ANKMY1: variants seen among roughly 807,000 people sequenced by gnomAD.
The protein encoded by ANKMY1 is ankyrin repeat and MYND domain containing 1, also known as ankyrin repeat and MYND domain-containing protein 1.
ANKMY1 carries 98 observed loss-of-function variants against 102.0 expected under a neutral mutation model. The observed-to-expected ratio is 0.96, with a 90% CI of 0.82 to 1.14. The LOEUF (loss-of-function observed/expected upper bound fraction) is 1.14, where lower values mean the gene tolerates loss of function less well. Among genes scored for constraint, ANKMY1 ranks in the 50% most tolerant of loss-of-function variants. The pLI is 0.00. For synonymous variants in ANKMY1, 582 were observed against 559.9 expected (o/e 1.04, Z -0.56); for missense variants, 1,330 against 1,347.6 (o/e 0.99, Z 0.20).
At chr2:240,526,165 C>T in intron 6 of ANKMY1, 64 bp downstream of exon 6, 1 of 1,593,386 alleles carries the variant, frequency 6.3e-7, no homozygotes, top group Non-Finnish European at 8.6e-7. Context: ...CAGAGGGCCA[C>T]CCACATGTGT....
rs943916502 is a variant in ANKMY1 at position 240,486,301 on chromosome 2, A to C, written c.2807-4040T>G. ...TACAGGCATACACACATATGCAACCACACACGCATGCACACACACACATAA... is the reference window on the plus strand; with the variant it reads ...TACAGGCATACACACATATGCAACCCCACACGCATGCACACACACACATAA... On this transcript the variant is annotated intron_variant, in intron 15 of 17. Transcript: ENST00000401804. 7.2e-5 allele frequency among the ~76,000 whole-genome samples: 11 copies of C among 152,326 alleles called. No individual in the cohort carries two copies. In the South Asian group the frequency reaches 8.3e-4, roughly 11 times the overall value.
At chr2:240,502,095 G>A (rs572346194) in intron 13 of ANKMY1, among the ~76,000 whole-genome samples, 16 of 152,190 alleles carry the variant, frequency 1.1e-4, no homozygotes, top group Non-Finnish European at 1.6e-4. Context: ...CCACAGGGGT[G>A]TGGTGATGGA....
At chr2:240,550,668 T>G (rs2091353397) in intron 4 of ANKMY1, among the ~76,000 whole-genome samples, 2 of 152,164 alleles carry the variant, frequency 1.3e-5, no homozygotes, top group African/African-American at 4.8e-5. Flanking sequence ...TTGTAAATTG[T>G]GAGGTGGTAT....
intron 15 of ANKMY1, among the ~76,000 whole-genome samples, chr2:240,484,815 T>C (rs2075853193): frequency 6.6e-6 from 1 of 152,148 alleles, no homozygotes; most frequent in Non-Finnish European, 1.5e-5. Flanking sequence ...GACAAAGGGC[T>C]AATATCAAGA....
chr2:240,537,280 A>C (rs2087032559), intron 4 of ANKMY1, among the ~76,000 whole-genome samples: 1 of 152,134 alleles, frequency 6.6e-6, no homozygotes, highest in Admixed American at 6.5e-5. Context: ...GTTACCCAAA[A>C]TGTTATCATA....
rs964033866 is a variant in ANKMY1 at position 240,535,223 on chromosome 2, T to C, written c.481-5714A>G. Among the ~76,000 whole-genome samples, 12 of 152,152 alleles carry C rather than the reference T, an allele frequency of 7.9e-5. No individual in the cohort carries two copies. In the East Asian group the frequency reaches 1.9e-3, roughly 24 times the overall value. On this transcript the variant is annotated intron_variant, in intron 4 of 17. Coordinates refer to ENST00000401804, the MANE Select transcript of ANKMY1 (RefSeq NM_001282771.3). ...AGGGAGGCATGAGACATCAAACAAATACATTTAGGAAATACATTGGTTTAG... is the reference window on the plus strand; with the variant it reads ...AGGGAGGCATGAGACATCAAACAAACACATTTAGGAAATACATTGGTTTAG...
intron 4 of ANKMY1, among the ~76,000 whole-genome samples, chr2:240,546,910 TG>T (rs1423531676): frequency 6.6e-6 from 1 of 152,274 alleles, no homozygotes; most frequent in East Asian, 1.9e-4. Flanking sequence ...ACATTAATAA[TG>T]GGAGACTTTA....
chr2:240,491,997 T>C (rs1559240936), intron 15 of ANKMY1, among the ~76,000 whole-genome samples: 1 of 150,972 alleles, frequency 6.6e-6, no homozygotes, highest in Non-Finnish European at 1.5e-5. Context: ...TAAATTAGTT[T>C]TCTTTTAAAA....
At chr2:240,524,768 AAATAT>A (rs751152824) in intron 7 of ANKMY1, among the ~76,000 whole-genome samples, 1 of 152,254 alleles carries the variant, frequency 6.6e-6, no homozygotes, top group African/African-American at 2.4e-5. Context: ...AGGCTAAATT[AAATAT>A]ATTATTAAAA....
rs548820805 is a variant in ANKMY1 at position 240,553,203 on chromosome 2, A to G, written c.337-146T>C. 1.1e-5 allele frequency: 11 copies of G among 978,220 alleles called. No individual in the cohort carries two copies. The East Asian group carries it at 1.8e-4, about 16-fold the overall frequency. 60.6% of individuals were successfully genotyped at this position (978,220 alleles called of 1,614,324 possible). A position where few individuals can be genotyped will look rare whatever the true frequency, so the allele number is the denominator to read the frequency against. ...ACTCAGGGATGCCTGGCATGCGACT[A>G]TTAGAGTCGGCAACTGAAGCACCCA... On this transcript the variant is annotated intron_variant, in intron 3 of 17. Transcript: ENST00000401804.
intron 4 of ANKMY1, among the ~76,000 whole-genome samples, chr2:240,547,007 A>G (rs1396788467): frequency 6.6e-6 from 1 of 152,130 alleles, no homozygotes; most frequent in Non-Finnish European, 1.5e-5. Flanking sequence ...TGCACCAAGC[A>G]GACCTAATAG....
chr2:240,474,414 T>A, the ANKMY1 span, among the ~76,000 whole-genome samples: 4 of 152,006 alleles, frequency 2.6e-5, no homozygotes, highest in African/African-American at 9.7e-5. Context: ...GCCAACATGA[T>A]CTTTTAAAAA....
chr2:240,522,361 A>G (rs1390447701), intron 8 of ANKMY1: 1 of 152,224 alleles, frequency 6.6e-6, no homozygotes, highest in East Asian at 1.9e-4. Flanking sequence ...ACAAAAAGTT[A>G]TTTTACAAAA....
intron 9 of ANKMY1, among the ~76,000 whole-genome samples, chr2:240,516,417 T>C (rs1271275001): frequency 6.6e-6 from 1 of 152,198 alleles, no homozygotes; most frequent in African/African-American, 2.4e-5. Context: ...TGCAAAGTGG[T>C]GTTTAACCTT....
At chr2:240,475,178 T>C (rs749013482), downstream of ANKMY1, among the ~76,000 whole-genome samples, 8 of 152,366 alleles carry the variant, frequency 5.3e-5, no homozygotes, top group Non-Finnish European at 1.0e-4. Context: ...ATCAGTGATA[T>C]TAAGCTTTTT....
chr2:240,476,259 C>G (rs924956370), downstream of ANKMY1, among the ~76,000 whole-genome samples: 1 of 152,294 alleles, frequency 6.6e-6, no homozygotes, highest in Non-Finnish European at 1.5e-5. Context: ...GCCTCTTTAG[C>G]AAATGGCGCT....
intron 2 of ANKMY1, among the ~76,000 whole-genome samples, chr2:240,555,824 T>A (rs2092285822): frequency 1.3e-5 from 2 of 151,420 alleles, no homozygotes; most frequent in Admixed American, 1.3e-4. Flanking sequence ...GGACAGGGCA[T>A]CCCAGACCAA....
intron 4 of ANKMY1, among the ~76,000 whole-genome samples, chr2:240,530,200 C>T (rs2084987195): frequency 6.6e-6 from 1 of 152,174 alleles, no homozygotes. Context: ...CTGCCAGGTG[C>T]CCAGGGGAGG....
chr2:240,529,590 ATCCC>A lies in ANKMY1; in HGVS notation c.481-85_481-82del. ...GATCATGTTTGTAACGTCAAAAGAA[ATCCC>A]AAAAAAGAAAACTTTCCCAAGAAAT... On this transcript the variant is annotated intron_variant, in intron 4 of 17. Transcript: ENST00000401804. This position sits in a 1 kb window ranked among gnomAD's most constrained non-coding sequence, Gnocchi z 4.2. 7.5e-7 allele frequency: 1 copy of A among 1,339,328 alleles called. No individual in the cohort carries two copies. The highest frequency in any genetic ancestry group is 1.0e-6 in the Non-Finnish European group (1 of 1,001,668). 83.0% of individuals were successfully genotyped at this position (1,339,328 alleles called of 1,614,324 possible).
Sources: allele counts gnomAD v4.1 joint callset (sites outside exome capture counted in the v4.1 genomes callset), GRCh38; gene constraint gnomAD v4.1.1; non-coding constraint Gnocchi (gnomAD v3.1); transcripts MANE v1.5; gene names NCBI Gene and HGNC (gene_info 2026-07-23, HGNC 2026-07-21).